The following PASK variants were observed in gnomAD, a reference collection of about 807,000 sequenced individuals.
PASK encodes PAS domain-containing serine/threonine-protein kinase.
PASK carries 110 observed loss-of-function variants against 121.0 expected under a neutral mutation model. The observed-to-expected ratio is 0.91, with a 90% CI of 0.78 to 1.06. The LOEUF (loss-of-function observed/expected upper bound fraction) is 1.06. PASK is among the 50% of genes least tolerant of loss of function. The pLI, the probability that PASK is intolerant of heterozygous loss-of-function variation, is 0.00. For synonymous variants in PASK, 686 were observed against 717.8 expected, an observed-to-expected ratio of 0.96 and a Z score of 0.71; for missense variants, 1,643 against 1,702.3, an observed-to-expected ratio of 0.97 and a Z score of 0.61.
chr2:241,124,013 AG>A lies in PASK; in HGVS notation c.2839del (p.Ala948ProfsTer55), dbSNP rs2125422952. The A allele has an allele frequency of 1.2e-6, 2 of 1,614,014 alleles. No homozygotes were observed. Among genetic ancestry groups the A allele is most frequent in the Non-Finnish European group, 1.7e-6 (2 of 1,180,008 alleles). ...RDSAARTRLF[L>X]ASLPGSTHST... Reference sequence around the variant, plus strand: ...GTGGGTGGAGCCGGGCAGGCTGGCAAGGAACAGGCGGGTCCTGGCGGCTGAG... The same window carrying A: ...GTGGGTGGAGCCGGGCAGGCTGGCAAGAACAGGCGGGTCCTGGCGGCTGAG... On this transcript the variant is annotated frameshift_variant, in exon 11 of 18. Coordinates refer to ENST00000234040, the MANE Select transcript of PASK (RefSeq NM_015148.4). LOFTEE classifies it high-confidence loss of function.
At chr2:241,148,856 G>C (rs1247453642) in intron 1 of PASK, among the ~76,000 whole-genome samples, 1 of 152,228 alleles carries the variant, frequency 6.6e-6, no homozygotes, top group Non-Finnish European at 1.5e-5. Context: ...GTAAGGACGA[G>C]AAAGGCCTCA....
intron 8 of PASK, 29 bp from the exon 9 acceptor site, chr2:241,133,059 G>C (rs780181483): frequency 3.1e-6 from 5 of 1,611,608 alleles, no homozygotes; most frequent in Non-Finnish European, 4.2e-6. Context: ...AAGAGCGTTT[G>C]CTCTTCACAG....
intron 9 of PASK, among the ~76,000 whole-genome samples, chr2:241,131,118 T>C (rs1448577252): frequency 6.6e-6 from 1 of 151,796 alleles, no homozygotes; most frequent in East Asian, 1.9e-4. Context: ...ATTATTCTTC[T>C]ATAATTAAAA....
intron 1 of PASK, 70 bp from the exon 2 acceptor site, chr2:241,143,144 T>C (rs2066941): frequency 0.44 from 363,537 of 826,924 alleles, 81,136 homozygotes; most frequent in Middle Eastern, 0.51. Flanking sequence ...CCAACTAATT[T>C]ATAATGCTGA....
At chr2:241,109,485 T>G (rs1286923727) in intron 15 of PASK, 1 of 141,910 alleles carries the variant, frequency 7.0e-6, no homozygotes, top group Non-Finnish European at 1.5e-5. Context: ...ACCACAGCAG[T>G]GAGAAGAGTG....
intron 10 of PASK, among the ~76,000 whole-genome samples, chr2:241,125,038 C>T (rs990893524): frequency 5.3e-5 from 8 of 150,638 alleles, no homozygotes; most frequent in African/African-American, 2.0e-4. Flanking sequence ...CAGTGGCTCA[C>T]GCCTGTAATC....
Position 241,137,980 on chromosome 2 carries a change from G to A in PASK, c.849C>T (p.Leu283=). ...TTGGGATGTGCTGGCCAGAAGGAGG[G>A]AGCTGCACAGAAGGGATCAGGTCTG... ...HITDLIPSVQ[L]PPSGQHIPKN... is the part of the protein sequence containing the mutation. The change falls in exon 6 of 18, where the codon CTC becomes CTT. Residue 283 remains leucine (L), a synonymous_variant. Coordinates refer to ENST00000234040, the MANE Select transcript of PASK (RefSeq NM_015148.4). 1.9e-6 allele frequency: 3 copies of A among 1,614,232 alleles called. No homozygotes were observed. Among genetic ancestry groups the A allele is most frequent in the Non-Finnish European group, 2.5e-6 (3 of 1,180,026 alleles).
intron 2 of PASK, among the ~76,000 whole-genome samples, chr2:241,141,538 C>A (rs992402495): frequency 6.6e-6 from 1 of 152,092 alleles, no homozygotes; most frequent in African/African-American, 2.4e-5. Context: ...CACCTGGGCT[C>A]CCCCACCTCC....
At chr2:241,150,172 T>C (rs997505387), upstream of PASK, 27 of 1,271,936 alleles carry the variant, frequency 2.1e-5, no homozygotes, top group African/African-American at 3.9e-4. Context: ...CCAGGGCGTC[T>C]CTCCACTCTG....
rs777182398 is a variant in PASK at position 241,127,056 on chromosome 2, C to T, written c.1859G>A (p.Trp620Ter). The change falls in exon 10 of 18, where the codon TGG becomes TAG. Residue 620 changes from tryptophan to a stop codon, truncating the protein, a stop_gained. Coordinates refer to ENST00000234040, the MANE Select transcript of PASK (RefSeq NM_015148.4). LOFTEE classifies it high-confidence loss of function. ...GGGGGCCAAGTCCTGGCTTCGCCACCACAAGCCCCATTCACTCCCATAGCA... is the reference window on the plus strand; with the variant it reads ...GGGGGCCAAGTCCTGGCTTCGCCACTACAAGCCCCATTCACTCCCATAGCA... The part of the protein sequence containing the change: ...CPCYGSEWGL[W>*]WRSQDLAPSP... 7 of 1,614,154 alleles carry T rather than the reference C, an allele frequency of 4.3e-6. No individual in the cohort carries two copies. The highest frequency in any genetic ancestry group is 5.9e-6 in the Non-Finnish European group (7 of 1,180,038).
At chr2:241,150,046 AG>A (rs1231197531), upstream of PASK, 1 of 1,367,384 alleles carries the variant, frequency 7.3e-7, no homozygotes, top group African/African-American at 1.5e-5. Context: ...AGGCTCGCAG[AG>A]GTCAGGGATG....
At position 241,123,392 on chromosome 2, in the gene PASK, A is replaced by G. The variant is rs1387639878; in HGVS notation, c.2905-493T>C. ...ATGGGGTTTCACTGTGTTAGCCAGG[A>G]TGGTCTTGATCTCCTGACCTCGTGA... On this transcript the variant is annotated intron_variant, in intron 11 of 17. Coordinates refer to ENST00000234040, the MANE Select transcript of PASK (RefSeq NM_015148.4). Among the ~76,000 whole-genome samples, 4 of 151,950 alleles carry G rather than the reference A, an allele frequency of 2.6e-5. No individual in the cohort carries two copies. The East Asian group carries it at 7.8e-4, about 30-fold the overall frequency.
chr2:241,107,388 T>G lies in PASK; in HGVS notation c.3779A>C (p.Tyr1260Ser), dbSNP rs1304488918. The G allele has an allele frequency of 1.9e-6, 3 of 1,613,988 alleles. No homozygotes were observed. Among genetic ancestry groups the G allele is most frequent in the East Asian group, 4.5e-5 (2 of 44,880 alleles). ...WVTQPVNLAD[Y>S]TWEEVFRVNK... Reference sequence around the variant, plus strand: ...TACTCGAAACACCTCTTCCCATGTATAGTCAGCAAGATTCACAGGCTGTGT... The same window carrying G: ...TACTCGAAACACCTCTTCCCATGTAGAGTCAGCAAGATTCACAGGCTGTGT... Residue 1260 changes from tyrosine (Y) to serine (S), a missense_variant, in exon 17 of 18, where the codon TAT (tyrosine) becomes TCT (serine). Physicochemically the swap from Tyr to Ser is moderately radical, Grantham distance 144. Transcript: ENST00000234040.
chr2:241,132,527 T>TAAAAAAAAAAAAAAA (rs71049553), intron 9 of PASK, among the ~76,000 whole-genome samples: 1 of 39,532 alleles, frequency 2.5e-5, no homozygotes, highest in African/African-American at 1.0e-4. Context: ...AGACTCTGTC[T>TAAAAAAAAAAAAAAA]AAAAAAAAAA....
Position 241,127,296 on chromosome 2 carries a change from A to C in PASK, c.1619T>G (p.Val540Gly). ...LGESRSEPVD[V>G]KPFASCEDSE... ...ATCTTCGCAGGAAGCAAATGGCTTC[A>C]CATCCACTGGTTCAGACCTGCTTTC... The change falls in exon 10 of 18, where the codon GTG becomes GGG. Residue 540 changes from valine (V) to glycine (G), a missense_variant. Val to Gly is a moderately radical substitution (Grantham distance 109). Around this residue, in one of 3 missense-constraint regions of PASK, gnomAD observed 1,176 missense variants for 1,162.2 expected, o/e 1.01. Coordinates refer to ENST00000234040, the MANE Select transcript of PASK (RefSeq NM_015148.4). The C allele has an allele frequency of 1.2e-6, 2 of 1,614,256 alleles. No homozygotes were observed. Among genetic ancestry groups the C allele is most frequent in the East Asian group, 2.2e-5 (1 of 44,884 alleles).
At chr2:241,138,549 C>T (rs1398629911) in intron 5 of PASK, 105 bp downstream of exon 5, 8 of 1,375,132 alleles carry the variant, frequency 5.8e-6, no homozygotes, top group South Asian at 1.2e-5. Flanking sequence ...GCTCCTCATC[C>T]TCTCTTTCTT....
intron 12 of PASK, among the ~76,000 whole-genome samples, chr2:241,121,025 T>C (rs2065585076): frequency 1.3e-5 from 2 of 152,230 alleles, no homozygotes; most frequent in Non-Finnish European, 2.9e-5. Context: ...CATGCTGCAA[T>C]ATGGATGAAC....
chr2:241,119,329 C>T (rs2065503255), intron 12 of PASK, among the ~76,000 whole-genome samples: 1 of 152,228 alleles, frequency 6.6e-6, no homozygotes, highest in African/African-American at 2.4e-5. Flanking sequence ...ACCCCACTTC[C>T]GCCCTACCCC....
At chr2:241,129,671 C>T (rs2125434303) in intron 9 of PASK, among the ~76,000 whole-genome samples, 1 of 152,356 alleles carries the variant, frequency 6.6e-6, no homozygotes, top group East Asian at 1.9e-4. Flanking sequence ...AGCATGACAG[C>T]AACTCAGGAA....
Sources: allele counts gnomAD v4.1 joint callset (sites outside exome capture counted in the v4.1 genomes callset), GRCh38; gene constraint gnomAD v4.1.1; regional missense constraint gnomAD v4.1.1; transcripts MANE v1.5; gene names NCBI Gene and HGNC (gene_info 2026-07-23, HGNC 2026-07-21).